Variants in RMC1 observed in about 807,000 individuals in gnomAD.
The protein encoded by RMC1 is regulator of MON1-CCZ1 complex.
RMC1 carries 44 observed loss-of-function variants against 95.5 expected under a neutral mutation model. That is an observed-to-expected ratio of 0.46 (90% CI 0.36 to 0.59). The LOEUF (loss-of-function observed/expected upper bound fraction) is 0.59, where lower values mean the gene tolerates loss of function less well. Among genes scored for constraint, RMC1 ranks in the 20% least tolerant of loss-of-function variants. The probability of loss-of-function intolerance (pLI) is 0.00; values close to 1 mark genes in which losing one functional copy is unlikely to be tolerated. For synonymous variants in RMC1, 320 were observed against 303.6 expected (o/e 1.05, Z -0.56); for missense variants, 705 against 819.6 (o/e 0.86, Z 1.71).
intron 5 of RMC1, among the ~76,000 whole-genome samples, chr18:23,511,052 A>G (rs76277061): frequency 1.3e-5 from 2 of 152,258 alleles, no homozygotes; most frequent in African/African-American, 2.4e-5. Flanking sequence ...CACTGTTCAC[A>G]ATGGCAAAGA....
intron 2 of RMC1, among the ~76,000 whole-genome samples, chr18:23,505,203 G>A (rs2057682581): frequency 6.6e-6 from 1 of 152,082 alleles, no homozygotes. Flanking sequence ...GATTAGAGGC[G>A]CCCACCACCA....
Position 23,531,466 on chromosome 18 carries a change from TG to T in RMC1, c.1895-158del, listed in dbSNP as rs3835321. On this transcript the variant is annotated intron_variant, in intron 19 of 19. Coordinates refer to ENST00000269221, the MANE Select transcript of RMC1 (RefSeq NM_013326.5). ...ATCTCTTCCATTTAGCTTTTGTATT[TG>T]TCTCTCAAAGCAGATAGGGTAACCC... 0.017 allele frequency: 23,880 copies of T among 1,386,380 alleles called. 1,702 individuals are homozygous for T. In the East Asian group the frequency reaches 0.27, roughly 16 times the overall value. 85.9% of individuals were successfully genotyped at this position (1,386,380 alleles called of 1,614,324 possible). A position where few individuals can be genotyped will look rare whatever the true frequency, so the allele number is the denominator to read the frequency against.
intron 10 of RMC1, 26 bp from the exon 11 acceptor site, chr18:23,524,104 T>A: frequency 6.2e-7 from 1 of 1,613,744 alleles, no homozygotes; most frequent in Middle Eastern, 1.7e-4. Context: ...ACTGCATCGT[T>A]GCACTTATGT....
chr18:23,520,068 T>A (rs1174233870), intron 9 of RMC1, 134 bp from the exon 10 acceptor site: 1 of 635,426 alleles, frequency 1.6e-6, no homozygotes, highest in African/African-American at 1.8e-5. Flanking sequence ...CCTTCTCAAG[T>A]AAGAGCTAGC....
At chr18:23,531,408 G>T in intron 19 of RMC1, 1 of 904,054 alleles carries the variant, frequency 1.1e-6, no homozygotes, top group Non-Finnish European at 1.6e-6. Flanking sequence ...ATGTAAGACG[G>T]CATTTAGTTA....
At chr18:23,525,404 C>T (rs575051855) in intron 12 of RMC1, among the ~76,000 whole-genome samples, 39 of 152,118 alleles carry the variant, frequency 2.6e-4, no homozygotes, top group African/African-American at 8.2e-4. Flanking sequence ...CACATCACCA[C>T]GCCCAGTTAA....
At chr18:23,518,421 G>A (rs1229728185) in intron 7 of RMC1, among the ~76,000 whole-genome samples, 1 of 152,174 alleles carries the variant, frequency 6.6e-6, no homozygotes, top group East Asian at 1.9e-4. Context: ...CAAAGCCTAG[G>A]AGGTGGAGGT....
intron 2 of RMC1, among the ~76,000 whole-genome samples, chr18:23,505,253 G>A (rs1297945868): frequency 2.6e-5 from 4 of 152,092 alleles, no homozygotes; most frequent in Non-Finnish European, 5.9e-5. Flanking sequence ...TAGAGATGGG[G>A]TTTCACCGTG....
At chr18:23,517,683 CT>C (rs888094784) in intron 7 of RMC1, among the ~76,000 whole-genome samples, 1 of 150,910 alleles carries the variant, frequency 6.6e-6, no homozygotes, top group African/African-American at 2.4e-5. Flanking sequence ...TTTCTTCTTC[CT>C]TTTTTTTTAA....
rs535466756 is a variant in RMC1 at position 23,521,445 on chromosome 18, C to T, written c.961+1132C>T. Among the ~76,000 whole-genome samples, 5 of 152,252 alleles carry T rather than the reference C, an allele frequency of 3.3e-5. No homozygotes were observed. In the East Asian group the frequency reaches 7.7e-4, roughly 24 times the overall value. ...GATCACTTTTCTCTTTCTCACATTC[C>T]GTGTGACAGTGATGATGAATATTGC... On this transcript the variant is annotated intron_variant, in intron 10 of 19. Transcript: ENST00000269221.
At chr18:23,524,305 CTG>C in intron 11 of RMC1, 122 bp from the exon 12 acceptor site, 1 of 1,481,310 alleles carries the variant, frequency 6.8e-7, no homozygotes, top group South Asian at 1.1e-5. Context: ...GCTTCCCTGA[CTG>C]TCCAGGGGCC....
At chr18:23,522,239 T>G (rs1338665363) in intron 10 of RMC1, 3 of 152,264 alleles carry the variant, frequency 2.0e-5, no homozygotes, top group Non-Finnish European at 2.9e-5. Flanking sequence ...TCTTTCAAGC[T>G]TCTTCCTTTT....
At position 23,504,363 on chromosome 18, in the gene RMC1, CCT is replaced by C. The variant is rs764632572; in HGVS notation, c.103-4_103-3del. 191 of 1,613,864 alleles carry C rather than the reference CCT, an allele frequency of 1.2e-4. No individual in the cohort carries two copies. Among genetic ancestry groups the C allele is most frequent in the Non-Finnish European group, 1.3e-4 (149 of 1,179,776 alleles). The stretch of plus-strand genomic sequence containing the variant: ...CAGGCTGTTAACCTTGCTGCTTTTC[CCT>C]CTCAGGTTTTTGCTGTTCGATCTGG... On this transcript the variant is annotated splice_polypyrimidine_tract_variant and splice_region_variant and intron_variant, in intron 1 of 19. Transcript: ENST00000269221.
chr18:23,530,952 G>C (rs2058480807), intron 19 of RMC1, among the ~76,000 whole-genome samples: 1 of 152,100 alleles, frequency 6.6e-6, no homozygotes, highest in Non-Finnish European at 1.5e-5. Flanking sequence ...AAGGGTCTGG[G>C]GCTTATTAAG....
rs534853289 is a variant in RMC1 at position 23,511,867 on chromosome 18, G to A, written c.408+2588G>A. On this transcript the variant is annotated intron_variant, in intron 5 of 19. Coordinates refer to ENST00000269221, the MANE Select transcript of RMC1 (RefSeq NM_013326.5). ...AGAGGGAGAGTTGCAGTATAGGTAC[G>A]AACATCTGAAAAGCTGAACCAGTAT... 5.3e-5 allele frequency among the ~76,000 whole-genome samples: 8 copies of A among 152,086 alleles called. No homozygotes were observed. In the South Asian group the frequency reaches 6.2e-4, roughly 12 times the overall value.
At chr18:23,525,835 A>G (rs1394855714) in intron 12 of RMC1, among the ~76,000 whole-genome samples, 1 of 151,978 alleles carries the variant, frequency 6.6e-6, no homozygotes, top group Non-Finnish European at 1.5e-5. Context: ...TCCTCTGTGT[A>G]TTTTCCTGCC....
intron 13 of RMC1, among the ~76,000 whole-genome samples, chr18:23,527,223 C>CAA (rs386387173): frequency 0.17 from 7,391 of 43,622 alleles, 864 homozygotes; most frequent in Middle Eastern, 0.31. Flanking sequence ...CCTGTCTCTA[C>CAA]AAAAAAAAAA....
Position 23,504,419 on chromosome 18 carries a change from C to T in RMC1, c.151C>T (p.Pro51Ser), listed in dbSNP as rs2057663743. The T allele has an allele frequency of 5.6e-6, 9 of 1,613,920 alleles. No homozygotes were observed. Among genetic ancestry groups the T allele is most frequent in the Admixed American group, 1.7e-5 (1 of 59,986 alleles). Residue 51 changes from proline (P) to serine (S), a missense_variant, in exon 2 of 20, where the codon CCA (proline) becomes TCA (serine). Pro to Ser is a moderately conservative substitution (Grantham distance 74). Transcript: ENST00000269221. ...AGCTACTGGCGTGGTAGTTAAAGGC[C>T]CAGATGATAGGAATCCCATCTCATT... ...GGATGVVVKG[P>S]DDRNPISFRM...
chr18:23,519,002 C>T (rs1567922963), intron 8 of RMC1, 23 bp downstream of exon 8: 1 of 1,613,242 alleles, frequency 6.2e-7, no homozygotes, highest in Non-Finnish European at 8.5e-7. Flanking sequence ...CTTTGTTTTC[C>T]CTCTCTCTCT....
Sources: gnomAD v4.1 joint callset for allele counts (sites outside exome capture counted in the v4.1 genomes callset) on GRCh38, gnomAD v4.1.1 for gene constraint, MANE v1.5 for transcripts, NCBI Gene and HGNC (gene_info 2026-07-23, HGNC 2026-07-21) for gene names.